The following PCLO variants were observed in gnomAD, a reference collection of about 807,000 sequenced individuals.
The protein encoded by PCLO is protein piccolo.
A neutral mutation model predicts 427.5 loss-of-function variants in PCLO; 82 were observed. The ratio of observed to expected loss-of-function variants is 0.19; its 90% CI spans 0.16 to 0.23. The LOEUF (loss-of-function observed/expected upper bound fraction) is 0.23. PCLO is among the 10% of genes least tolerant of loss of function. PCLO has a pLI of 1.00. For missense variants in PCLO, 6,239 were observed against 6,115.9 expected (o/e 1.02, Z -0.67); for synonymous variants, 2,357 against 2,155.4 (o/e 1.09, Z -2.59).
intron 3 of PCLO, among the ~76,000 whole-genome samples, chr7:83,006,100 C>T (rs1227114392): frequency 1.3e-5 from 2 of 151,540 alleles, no homozygotes; most frequent in Non-Finnish European, 3.0e-5. Context: ...TTAACAAGGT[C>T]CCCCCTTCCA....
In PCLO at chr7:82,966,132, T is replaced by A. The variant is rs757563276; in HGVS notation, c.3656A>T (p.Lys1219Ile). The A allele has an allele frequency of 1.7e-5, 27 of 1,605,762 alleles. No homozygotes were observed. Among genetic ancestry groups the A allele is most frequent in the Middle Eastern group, 3.3e-4 (2 of 6,012 alleles). Reference protein sequence around the residue: ...QEKKPLPEEKKLIPEEEKIRS... With the variant: ...QEKKPLPEEKILIPEEEKIRS... Reference sequence around the variant, plus strand: ...TATCTTTTCTTCTTCAGGGATTAGTTTTTTTTCTTCAGGGAGTGGCTTTTT... The same window carrying A: ...TATCTTTTCTTCTTCAGGGATTAGTATTTTTTCTTCAGGGAGTGGCTTTTT... The change falls in exon 4 of 25, where the codon AAA becomes ATA. Residue 1219 changes from lysine (K) to isoleucine (I), a missense_variant. Around this residue, in one of 5 missense-constraint regions of PCLO, gnomAD observed 4,677 missense variants for 4,468.4 expected, o/e 1.05. Coordinates refer to ENST00000333891, the MANE Select transcript of PCLO (RefSeq NM_033026.6).
chr7:83,003,201 C>T (rs558572466), intron 3 of PCLO, among the ~76,000 whole-genome samples: 32 of 150,800 alleles, frequency 2.1e-4, no homozygotes, highest in East Asian at 1.2e-3. Context: ...TTAAAATATA[C>T]GATAAGAAAT....
chr7:82,945,809 G>A (rs971840356), intron 6 of PCLO, among the ~76,000 whole-genome samples: 19 of 152,130 alleles, frequency 1.2e-4, no homozygotes, highest in Admixed American at 2.0e-4. Context: ...TTTTAAAAAC[G>A]TATAAACCTA....
intron 3 of PCLO, among the ~76,000 whole-genome samples, chr7:83,033,493 T>A (rs1212711782): frequency 1.3e-5 from 2 of 152,144 alleles, no homozygotes; most frequent in Non-Finnish European, 2.9e-5. Flanking sequence ...ATACCTGCCT[T>A]TTCTTTAGCC....
chr7:83,146,672 C>A (rs1442067826), intron 2 of PCLO, among the ~76,000 whole-genome samples: 1 of 151,364 alleles, frequency 6.6e-6, no homozygotes, highest in Admixed American at 6.6e-5. Context: ...CCTAGGCTCA[C>A]TGCAACCTCT....
rs1287704038 is a variant in PCLO at position 82,953,418 on chromosome 7, G to A, written c.7535C>T (p.Pro2512Leu). 6.2e-7 allele frequency: 1 copy of A among 1,613,600 alleles called. No individual in the cohort carries two copies. The highest frequency in any genetic ancestry group is 1.1e-5 in the South Asian group (1 of 91,054). The change falls in exon 5 of 25, where the codon CCC becomes CTC. Residue 2512 changes from proline (P) to leucine (L), a missense_variant. Transcript: ENST00000333891. ...TGGAAGCTGAGGAATCACTGGTTTG[G>A]GGGCGATTGGAGGTTTGCTTGGCTC... is the stretch of plus-strand genomic sequence containing the variant. ...RPEPSKPPIA[P>L]KPVIPQLPTT...
At chr7:82,929,645 C>G (rs542263551) in intron 6 of PCLO, among the ~76,000 whole-genome samples, 1 of 152,196 alleles carries the variant, frequency 6.6e-6, no homozygotes, top group South Asian at 2.1e-4. Context: ...AAATATAAAA[C>G]TTATTTTTAA....
intron 3 of PCLO, among the ~76,000 whole-genome samples, chr7:83,022,729 C>T (rs1213630758): frequency 1.3e-5 from 2 of 152,080 alleles, no homozygotes; most frequent in Non-Finnish European, 2.9e-5. Flanking sequence ...TTTAAGCCTG[C>T]AATGAATGAG....
chr7:83,116,152 G>C (rs1791126075), intron 3 of PCLO, among the ~76,000 whole-genome samples: 1 of 151,962 alleles, frequency 6.6e-6, no homozygotes, highest in African/African-American at 2.4e-5. Flanking sequence ...CAGTAGTGCA[G>C]ACTGTCATAT....
intron 1 of PCLO, among the ~76,000 whole-genome samples, chr7:83,161,901 T>TA (rs765088163): frequency 1.4e-4 from 22 of 152,128 alleles, no homozygotes; most frequent in Non-Finnish European, 3.2e-4. Flanking sequence ...GGATTAAAGT[T>TA]ACAGAAATAT....
At chr7:82,857,172 C>T (rs193064602) in intron 10 of PCLO, among the ~76,000 whole-genome samples, 2 of 152,196 alleles carry the variant, frequency 1.3e-5, no homozygotes, top group East Asian at 3.9e-4. Flanking sequence ...AGAAAACAGA[C>T]TAAAATGCTA....
At chr7:83,064,237 T>C (rs1789609752) in intron 3 of PCLO, among the ~76,000 whole-genome samples, 1 of 151,970 alleles carries the variant, frequency 6.6e-6, no homozygotes, top group South Asian at 2.1e-4. Context: ...TTTAGTAAAG[T>C]AATTATATTT....
intron 9 of PCLO, among the ~76,000 whole-genome samples, chr7:82,891,900 T>C (rs1167973811): frequency 1.3e-5 from 2 of 152,090 alleles, no homozygotes; most frequent in Non-Finnish European, 2.9e-5. Flanking sequence ...TACAAACTAC[T>C]GCTCAATGAA....
intron 21 of PCLO, among the ~76,000 whole-genome samples, chr7:82,804,235 A>G (rs73706727): frequency 5.9e-5 from 9 of 152,142 alleles, no homozygotes; most frequent in African/African-American, 2.2e-4. Flanking sequence ...CCAATAAAAT[A>G]TAACTGATTA....
rs775559113 is a variant in PCLO at position 83,155,233 on chromosome 7, G to T, written c.1408C>A (p.Pro470Thr). ...SAQQTGPTKPPSQLPGPAKPP... is the reference protein window; with the variant it reads ...SAQQTGPTKPTSQLPGPAKPP... The stretch of plus-strand genomic sequence containing the variant: ...TTTGCTGGGCCAGGCAGTTGTGAAG[G>T]AGGCTTTGTTGGGCCAGTCTGCTGG... Residue 470 changes from proline (P) to threonine (T), a missense_variant, in exon 2 of 25, where the codon CCT (proline) becomes ACT (threonine). By Grantham distance (38) the Pro-to-Thr change is conservative (BLOSUM62 -1). This residue lies in a region of PCLO where 4,677 missense variants were observed against 4,468.4 expected (regional missense o/e 1.05). Coordinates refer to ENST00000333891, the MANE Select transcript of PCLO (RefSeq NM_033026.6). 1.9e-6 allele frequency: 3 copies of T among 1,613,582 alleles called. No homozygotes were observed. The South Asian group carries it at 3.3e-5, about 18-fold the overall frequency.
In PCLO at chr7:83,089,924, T is replaced by A. The variant is rs191388240; in HGVS notation, c.3300+44326A>T. Among the ~76,000 whole-genome samples, 745 of 152,298 alleles carry A rather than the reference T, an allele frequency of 4.9e-3. 26 individuals carry two copies. Among genetic ancestry groups the A allele is most frequent in the Admixed American group, 0.042 (642 of 15,290 alleles). On this transcript the variant is annotated intron_variant, in intron 3 of 24. Transcript: ENST00000333891. ...TTTCAGTTCATGAGTATCCAGTAGTTTCCGTTTATATAAAATTTGCAACTA... is the reference window on the plus strand; with the variant it reads ...TTTCAGTTCATGAGTATCCAGTAGTATCCGTTTATATAAAATTTGCAACTA...
intron 3 of PCLO, among the ~76,000 whole-genome samples, chr7:83,117,915 T>C (rs1363307205): frequency 6.6e-6 from 1 of 152,222 alleles, no homozygotes; most frequent in Admixed American, 6.5e-5. Flanking sequence ...ATATTTAATG[T>C]TTAATATTAG....
chr7:82,813,763 G>T (rs1438698541), intron 20 of PCLO, among the ~76,000 whole-genome samples: 2 of 151,716 alleles, frequency 1.3e-5, no homozygotes, highest in African/African-American at 2.4e-5. Context: ...AAGTAATTCA[G>T]ATCATATTTT....
intron 3 of PCLO, among the ~76,000 whole-genome samples, chr7:82,978,455 C>CTT (rs1267849163): frequency 6.6e-5 from 10 of 152,044 alleles, no homozygotes; most frequent in African/African-American, 1.7e-4. Context: ...TTGTGAGACT[C>CTT]TGAAGTTGTT....
Sources: allele counts gnomAD v4.1 joint callset (sites outside exome capture counted in the v4.1 genomes callset), GRCh38; gene constraint gnomAD v4.1.1; regional missense constraint gnomAD v4.1.1; transcripts MANE v1.5; gene names NCBI Gene and HGNC (gene_info 2026-07-23, HGNC 2026-07-21).